PTPN1: variants seen among roughly 807,000 people sequenced by gnomAD.
PTPN1 encodes the protein protein tyrosine phosphatase non-receptor type 1.
Under a neutral mutation model 59.9 loss-of-function variants are expected in PTPN1, and 12 were observed. That is an observed-to-expected ratio of 0.20 (90% CI 0.13 to 0.32). The LOEUF (loss-of-function observed/expected upper bound fraction) is 0.32. PTPN1 is among the 10% of genes least tolerant of loss of function. The probability of loss-of-function intolerance (pLI) is 1.00; values close to 1 mark genes in which losing one functional copy is unlikely to be tolerated. For synonymous variants in PTPN1, 178 were observed against 203.6 expected, an observed-to-expected ratio of 0.87 and a Z score of 1.07; for missense variants, 356 against 549.2, an observed-to-expected ratio of 0.65 and a Z score of 3.52.
At chr20:50,538,360 C>T (rs957787913) in intron 1 of PTPN1, among the ~76,000 whole-genome samples, 1 of 152,018 alleles carries the variant, frequency 6.6e-6, no homozygotes, top group African/African-American at 2.4e-5. Flanking sequence ...AGAAAGTCAG[C>T]TGGAAAAAAA....
In PTPN1 at chr20:50,560,720, G is replaced by A. The variant is rs539904286; in HGVS notation, c.64-643G>A. On this transcript the variant is annotated intron_variant, in intron 1 of 9. Coordinates refer to ENST00000371621, the MANE Select transcript of PTPN1 (RefSeq NM_002827.4). ...GGCAGTAAGTACATTCACGTTGTGTGTATTTGTTTTTTTAGTAATAAACAA... is the reference window on the plus strand; with the variant it reads ...GGCAGTAAGTACATTCACGTTGTGTATATTTGTTTTTTTAGTAATAAACAA... Among the ~76,000 whole-genome samples the A allele has an allele frequency of 4.0e-5, 6 of 151,294 alleles. No individual in the cohort carries two copies. In the East Asian group the frequency reaches 1.2e-3, roughly 29 times the overall value.
Position 50,568,410 on chromosome 20 carries a change from T to A in PTPN1, c.286T>A (p.Trp96Arg). Reference protein sequence around the residue: ...GPLPNTCGHFWEMVWEQKSRG... With the variant: ...GPLPNTCGHFREMVWEQKSRG... ...TTTGCCTAACACATGCGGTCACTTT[T>A]GGGAGATGGTGTGGGAGCAGAAAAG... Residue 96 changes from tryptophan (W) to arginine (R), a missense_variant, in exon 4 of 10, where the codon TGG (tryptophan) becomes AGG (arginine). By Grantham distance (101) the Trp-to-Arg change is moderately radical. Coordinates refer to ENST00000371621, the MANE Select transcript of PTPN1 (RefSeq NM_002827.4). The surrounding 1 kb of genome is among the most constrained non-coding windows in gnomAD (Gnocchi z 5.6). The A allele has an allele frequency of 6.2e-7, 1 of 1,614,138 alleles. No homozygotes were observed. Among genetic ancestry groups the A allele is most frequent in the Non-Finnish European group, 8.5e-7 (1 of 1,179,968 alleles).
intron 1 of PTPN1, among the ~76,000 whole-genome samples, chr20:50,533,859 T>C (rs182517635): frequency 1.8e-4 from 27 of 152,216 alleles, no homozygotes; most frequent in Admixed American, 1.6e-3. Flanking sequence ...GAAGCTTCCG[T>C]GATTTTTTTT....
chr20:50,563,922 T>C (rs1481443059), intron 2 of PTPN1, among the ~76,000 whole-genome samples: 1 of 152,202 alleles, frequency 6.6e-6, no homozygotes. Context: ...GGGGCAGGAC[T>C]TCCAAATGAA....
At chr20:50,514,190 A>G (rs2122715814) in intron 1 of PTPN1, among the ~76,000 whole-genome samples, 1 of 152,364 alleles carries the variant, frequency 6.6e-6, no homozygotes, top group South Asian at 2.1e-4. Flanking sequence ...TAAACCAACC[A>G]GTGGTTCTAA....
At chr20:50,555,894 T>G (rs2082724077) in intron 1 of PTPN1, among the ~76,000 whole-genome samples, 1 of 152,206 alleles carries the variant, frequency 6.6e-6, no homozygotes, top group African/African-American at 2.4e-5. Context: ...CAGATATTTC[T>G]TACATCTTCA....
chr20:50,549,614 A>C (rs1568785659), intron 1 of PTPN1, among the ~76,000 whole-genome samples: 1 of 152,092 alleles, frequency 6.6e-6, no homozygotes, highest in Non-Finnish European at 1.5e-5. Flanking sequence ...CCTGTCTTTC[A>C]TTCAACTATC....
At chr20:50,519,852 TG>T (rs2082543745) in intron 1 of PTPN1, among the ~76,000 whole-genome samples, 2 of 152,174 alleles carry the variant, frequency 1.3e-5, no homozygotes, top group African/African-American at 4.8e-5. Flanking sequence ...TTTTGTAGGT[TG>T]ATCATAAGGA....
At chr20:50,570,498 A>G (rs1406857503) in intron 4 of PTPN1, among the ~76,000 whole-genome samples, 1 of 152,224 alleles carries the variant, frequency 6.6e-6, no homozygotes, top group African/African-American at 2.4e-5. Context: ...CCTCCTTAGT[A>G]GCTTGATTAG....
intron 1 of PTPN1, among the ~76,000 whole-genome samples, chr20:50,545,611 T>A (rs1188333244): frequency 6.6e-6 from 1 of 152,218 alleles, no homozygotes; most frequent in African/African-American, 2.4e-5. Context: ...CTGGTACCAT[T>A]GTTCTTAGGC....
At chr20:50,552,979 C>G (rs1399087689) in intron 1 of PTPN1, among the ~76,000 whole-genome samples, 1 of 152,194 alleles carries the variant, frequency 6.6e-6, no homozygotes, top group African/African-American at 2.4e-5. Flanking sequence ...ATCTGCCCAA[C>G]CTTCTCCTTT....
In PTPN1 at chr20:50,582,876, A is replaced by T; in HGVS notation, c.*161A>T. ...CTGCACTAAAACCCATCTTCCCCGGATGTGTGTCTCACCCCTCATCCTTTT... is the reference window on the plus strand; with the variant it reads ...CTGCACTAAAACCCATCTTCCCCGGTTGTGTGTCTCACCCCTCATCCTTTT... On this transcript the variant is annotated 3_prime_UTR_variant, in exon 10 of 10. Transcript: ENST00000371621. This position sits in a 1 kb window ranked among gnomAD's most constrained non-coding sequence, Gnocchi z 4.2. 1 of 768,696 alleles carries T rather than the reference A, an allele frequency of 1.3e-6. No individual in the cohort carries two copies. The highest frequency in any genetic ancestry group is 2.1e-6 in the Non-Finnish European group (1 of 465,950). 47.6% of individuals were successfully genotyped at this position (768,696 alleles called of 1,614,324 possible).
intron 1 of PTPN1, among the ~76,000 whole-genome samples, chr20:50,555,349 C>T (rs2082721420): frequency 6.6e-6 from 1 of 152,138 alleles, no homozygotes; most frequent in Non-Finnish European, 1.5e-5. Flanking sequence ...GTGAACAATA[C>T]AAAGCAGACT....
chr20:50,526,773 T>C (rs919771843), intron 1 of PTPN1, among the ~76,000 whole-genome samples: 1 of 152,120 alleles, frequency 6.6e-6, no homozygotes, highest in Non-Finnish European at 1.5e-5. Flanking sequence ...TCTGAGACTG[T>C]GGTCAGTCAC....
intron 1 of PTPN1, among the ~76,000 whole-genome samples, chr20:50,539,884 C>CT (rs199687816): frequency 2.9e-4 from 43 of 147,774 alleles, no homozygotes; most frequent in Non-Finnish European, 3.3e-4. Context: ...AGTTTTAAAT[C>CT]TTTTTTTTTT....
intron 1 of PTPN1, 136 bp from the exon 2 acceptor site, chr20:50,561,227 C>A (rs981966095): frequency 3.1e-6 from 2 of 648,930 alleles, no homozygotes; most frequent in African/African-American, 3.7e-5. Flanking sequence ...CTCGGTTTTC[C>A]CCCATGGCCT....
chr20:50,561,570 A>G, intron 2 of PTPN1, 117 bp downstream of exon 2: 1 of 603,450 alleles, frequency 1.7e-6, no homozygotes, highest in South Asian at 2.6e-5. Flanking sequence ...GCAGAGGTTT[A>G]TGACGCGATT....
chr20:50,528,372 T>C (rs1320295209), intron 1 of PTPN1, among the ~76,000 whole-genome samples: 4 of 152,202 alleles, frequency 2.6e-5, no homozygotes, highest in African/African-American at 9.6e-5. Context: ...GCTTTTGTTC[T>C]AGTCATTTGT....
intron 7 of PTPN1, 111 bp downstream of exon 7, chr20:50,579,440 C>A: frequency 1.6e-6 from 2 of 1,268,508 alleles, no homozygotes; most frequent in Non-Finnish European, 2.2e-6. Context: ...GGGGAAATAG[C>A]TACCCTTCAT....
Sources: gnomAD v4.1 joint callset for allele counts (sites outside exome capture counted in the v4.1 genomes callset) on GRCh38, gnomAD v4.1.1 for gene constraint, Gnocchi (gnomAD v3.1) non-coding constraint, MANE v1.5 for transcripts, NCBI Gene and HGNC (gene_info 2026-07-23, HGNC 2026-07-21) for gene names.